VWC2L: variants seen among roughly 807,000 people sequenced by gnomAD.
VWC2L encodes von Willebrand factor C domain containing 2 like.
Under a neutral mutation model 21.6 loss-of-function variants are expected in VWC2L, and 10 were observed. That is an observed-to-expected ratio of 0.46 (90% confidence interval 0.29 to 0.78). The LOEUF (loss-of-function observed/expected upper bound fraction) is 0.78, where lower values mean the gene tolerates loss of function less well. VWC2L is among the 30% of genes least tolerant of loss of function. The probability of loss-of-function intolerance (pLI) is 0.10; values close to 1 mark genes in which losing one functional copy is unlikely to be tolerated. For synonymous variants in VWC2L, 96 were observed against 94.3 expected (o/e 1.02, Z -0.10); for missense variants, 209 against 277.1 (o/e 0.75, Z 1.74).
chr2:214,489,358 G>T (rs1688715439), intron 3 of VWC2L, among the ~76,000 whole-genome samples: 1 of 152,200 alleles, frequency 6.6e-6, no homozygotes, highest in South Asian at 2.1e-4. Flanking sequence ...TATAGCAGAA[G>T]AGAAAAGAAT....
chr2:214,442,324 G>A (rs1459111241), intron 3 of VWC2L, among the ~76,000 whole-genome samples: 1 of 152,138 alleles, frequency 6.6e-6, no homozygotes, highest in Non-Finnish European at 1.5e-5. Context: ...AGAAGGTAGA[G>A]AAAAGAGCTA....
chr2:214,560,925 C>T (rs182189863), intron 3 of VWC2L, among the ~76,000 whole-genome samples: 1 of 152,290 alleles, frequency 6.6e-6, no homozygotes, highest in Admixed American at 6.5e-5. Context: ...TCAGAAATGA[C>T]CCTTTGCTAA....
intron 3 of VWC2L, among the ~76,000 whole-genome samples, chr2:214,538,571 G>A (rs1305512364): frequency 6.8e-6 from 1 of 147,504 alleles, no homozygotes; most frequent in African/African-American, 2.5e-5. Context: ...AATGCAAACA[G>A]ATTCTCCAAG....
chr2:214,511,228 G>T (rs1689046988), intron 3 of VWC2L, among the ~76,000 whole-genome samples: 1 of 152,038 alleles, frequency 6.6e-6, no homozygotes, highest in African/African-American at 2.4e-5. Flanking sequence ...TCATGCCACT[G>T]TACTCCAGCC....
intron 2 of VWC2L, among the ~76,000 whole-genome samples, chr2:214,428,814 CAAAAAA>C (rs11431112): frequency 4.1e-5 from 4 of 98,326 alleles, no homozygotes; most frequent in Admixed American, 3.1e-4. Flanking sequence ...CAGACAGTGG[CAAAAAA>C]AAAAAAAAAA....
In VWC2L at chr2:214,414,494, G is replaced by A. The variant is rs1382142231; in HGVS notation, c.301G>A (p.Glu101Lys). ...PKIHPKCTKVEHNGCCPECKE... is the reference protein window; with the variant it reads ...PKIHPKCTKVKHNGCCPECKE... ...AATTCACCCAAAGTGTACTAAAGTGGAACACAATGGATGCTGTCCTGAGTG... is the reference window on the plus strand; with the variant it reads ...AATTCACCCAAAGTGTACTAAAGTGAAACACAATGGATGCTGTCCTGAGTG... Residue 101 changes from glutamate (E) to lysine (K), a missense_variant, in exon 2 of 4, where the codon GAA becomes AAA. Glu to Lys is a moderately conservative substitution (Grantham distance 56). Transcript: ENST00000312504. 1 of 1,613,422 alleles carries A rather than the reference G, an allele frequency of 6.2e-7. No individual in the cohort carries two copies. The highest frequency in any genetic ancestry group is 8.5e-7 in the Non-Finnish European group (1 of 1,179,638).
chr2:214,542,280 T>C (rs1256341732), intron 3 of VWC2L, among the ~76,000 whole-genome samples: 1 of 152,168 alleles, frequency 6.6e-6, no homozygotes, highest in African/African-American at 2.4e-5. Context: ...GAAGATGACA[T>C]AAACACCTCC....
At chr2:214,531,018 T>C (rs1033832139) in intron 3 of VWC2L, among the ~76,000 whole-genome samples, 3 of 152,204 alleles carry the variant, frequency 2.0e-5, no homozygotes, top group African/African-American at 7.2e-5. Flanking sequence ...GTAATTTGAA[T>C]GTTTCCTGAA....
At position 214,511,921 on chromosome 2, in the gene VWC2L, C is replaced by T. The variant is rs10170700; in HGVS notation, c.521-63751C>T. ...ATACTTTACTTTATATATACATATACACACACACACACACACACACACACA... is the reference window on the plus strand; with the variant it reads ...ATACTTTACTTTATATATACATATATACACACACACACACACACACACACA... On this transcript the variant is annotated intron_variant, in intron 3 of 3. Transcript: ENST00000312504. Among the ~76,000 whole-genome samples the T allele has an allele frequency of 0.026, 257 of 10,018 alleles. No individual in the cohort carries two copies. The East Asian group carries it at 0.48, about 19-fold the overall frequency. 6.6% of individuals were successfully genotyped at this position (10,018 alleles called of 152,430 possible). A position where few individuals can be genotyped will look rare whatever the true frequency, so the allele number is the denominator to read the frequency against.
intron 3 of VWC2L, among the ~76,000 whole-genome samples, chr2:214,563,913 GAT>G: frequency 6.6e-6 from 1 of 152,158 alleles, no homozygotes; most frequent in East Asian, 1.9e-4. Flanking sequence ...TTTGTTCACT[GAT>G]GACATGATCC....
intron 3 of VWC2L, among the ~76,000 whole-genome samples, chr2:214,556,158 G>T (rs1559329727): frequency 6.6e-6 from 1 of 152,186 alleles, no homozygotes; most frequent in East Asian, 1.9e-4. Context: ...TACTCAGGGG[G>T]CTGAGGCAGG....
intron 3 of VWC2L, among the ~76,000 whole-genome samples, chr2:214,467,318 A>C (rs1703231560): frequency 6.6e-6 from 1 of 152,134 alleles, no homozygotes. Context: ...ACTTGAGGGG[A>C]ACCATCTCCA....
intron 3 of VWC2L, among the ~76,000 whole-genome samples, chr2:214,487,657 T>G (rs902494739): frequency 6.6e-6 from 1 of 152,158 alleles, no homozygotes; most frequent in Non-Finnish European, 1.5e-5. Flanking sequence ...CATGAAACTT[T>G]TGCCCTTGGA....
At chr2:214,428,868 T>G (rs897537023) in intron 2 of VWC2L, among the ~76,000 whole-genome samples, 3 of 149,574 alleles carry the variant, frequency 2.0e-5, no homozygotes, top group African/African-American at 7.4e-5. Flanking sequence ...TTGGCACTTC[T>G]AATACAAATG....
intron 2 of VWC2L, among the ~76,000 whole-genome samples, chr2:214,417,922 C>T (rs1197064104): frequency 6.6e-6 from 1 of 152,150 alleles, no homozygotes; most frequent in East Asian, 1.9e-4. Flanking sequence ...CAAAGACATT[C>T]AGGACAGTTT....
At chr2:214,435,621 C>G (rs1025579986) in intron 2 of VWC2L, among the ~76,000 whole-genome samples, 11 of 152,092 alleles carry the variant, frequency 7.2e-5, no homozygotes, top group African/African-American at 2.7e-4. Context: ...CTTTAATTAG[C>G]ACAGTTTGCA....
At chr2:214,573,256 CAT>C (rs1030503001) in intron 3 of VWC2L, among the ~76,000 whole-genome samples, 2 of 152,126 alleles carry the variant, frequency 1.3e-5, no homozygotes, top group Admixed American at 6.6e-5. Flanking sequence ...CACACACACA[CAT>C]ACACACATAC....
chr2:214,557,857 CCT>C (rs1689897961), intron 3 of VWC2L, among the ~76,000 whole-genome samples: 1 of 152,160 alleles, frequency 6.6e-6, no homozygotes, highest in African/African-American at 2.4e-5. Flanking sequence ...TTACATTCAA[CCT>C]CTCTCTCCCA....
At chr2:214,433,379 T>C (rs1055356084) in intron 2 of VWC2L, among the ~76,000 whole-genome samples, 1 of 151,952 alleles carries the variant, frequency 6.6e-6, no homozygotes, top group Non-Finnish European at 1.5e-5. Flanking sequence ...TACTTACAAA[T>C]CTCTAGCTGG....
Sources: allele counts gnomAD v4.1 joint callset (sites outside exome capture counted in the v4.1 genomes callset), GRCh38; gene constraint gnomAD v4.1.1; transcripts MANE v1.5; gene names NCBI Gene and HGNC (gene_info 2026-07-23, HGNC 2026-07-21).